The following RSRC1 variants were observed in gnomAD, a reference collection of about 807,000 sequenced individuals.
RSRC1 encodes serine/Arginine-related protein 53.
RSRC1 carries 39 observed loss-of-function variants against 49.1 expected under a neutral mutation model. That is an observed-to-expected ratio of 0.79 (90% CI 0.61 to 1.04). RSRC1 has a LOEUF of 1.04. RSRC1 is among the 50% of genes least tolerant of loss of function. The pLI is 0.00. For synonymous variants in RSRC1, 143 were observed against 130.8 expected (o/e 1.09, Z -0.63); for missense variants, 388 against 402.4 (o/e 0.96, Z 0.31).
intron 3 of RSRC1, among the ~76,000 whole-genome samples, chr3:158,195,388 C>T: frequency 6.8e-6 from 1 of 146,898 alleles, no homozygotes; most frequent in Non-Finnish European, 1.5e-5. Flanking sequence ...ATTGTAGATT[C>T]TGGATATTAG....
intron 7 of RSRC1, among the ~76,000 whole-genome samples, chr3:158,516,588 G>T (rs965694443): frequency 2.0e-5 from 3 of 152,204 alleles, no homozygotes; most frequent in Non-Finnish European, 4.4e-5. Flanking sequence ...AGCCTACAGA[G>T]GCAGGCAGGC....
intron 7 of RSRC1, among the ~76,000 whole-genome samples, chr3:158,535,721 A>G (rs1286827001): frequency 6.6e-6 from 1 of 151,476 alleles, no homozygotes; most frequent in Non-Finnish European, 1.5e-5. Context: ...TACTACCCAA[A>G]AATGAAGCAA....
intron 3 of RSRC1, among the ~76,000 whole-genome samples, chr3:158,179,588 T>C (rs1246163628): frequency 6.6e-6 from 1 of 152,216 alleles, no homozygotes; most frequent in Non-Finnish European, 1.5e-5. Flanking sequence ...TTGTTCTTCT[T>C]ATTGCTAAGT....
chr3:158,486,383 A>C (rs1371722613), intron 7 of RSRC1, among the ~76,000 whole-genome samples: 1 of 152,158 alleles, frequency 6.6e-6, no homozygotes, highest in Non-Finnish European at 1.5e-5. Flanking sequence ...TCCAGGCACC[A>C]TGTTAAATGC....
At chr3:158,339,942 T>C (rs1238953400) in intron 5 of RSRC1, among the ~76,000 whole-genome samples, 3 of 152,208 alleles carry the variant, frequency 2.0e-5, no homozygotes, top group African/African-American at 7.2e-5. Flanking sequence ...GATGAGATTT[T>C]CTGAAAGTGA....
At chr3:158,434,500 A>G (rs953570521) in intron 6 of RSRC1, among the ~76,000 whole-genome samples, 1 of 151,982 alleles carries the variant, frequency 6.6e-6, no homozygotes, top group East Asian at 1.9e-4. Flanking sequence ...TCTAGTTTGG[A>G]TAAGAATTCT....
intron 1 of RSRC1, chr3:158,110,673 T>G (rs1714324134): frequency 6.6e-6 from 1 of 152,496 alleles, no homozygotes; most frequent in South Asian, 2.1e-4. Context: ...GTCCCTGCCT[T>G]AGATCCAGCT....
At chr3:158,214,039 A>G (rs1021757028) in intron 4 of RSRC1, among the ~76,000 whole-genome samples, 9 of 93,318 alleles carry the variant, frequency 9.6e-5, no homozygotes, top group African/African-American at 3.3e-4. Context: ...TAACAATACA[A>G]CAATAAAAAA....
At chr3:158,481,873 A>T (rs916823088) in intron 7 of RSRC1, among the ~76,000 whole-genome samples, 26 of 151,976 alleles carry the variant, frequency 1.7e-4, no homozygotes, top group Non-Finnish European at 3.1e-4. Context: ...CTAGAATGTG[A>T]GCTGCTAAAG....
intron 4 of RSRC1, among the ~76,000 whole-genome samples, chr3:158,255,750 T>A (rs1203759296): frequency 6.6e-6 from 1 of 152,208 alleles, no homozygotes; most frequent in Non-Finnish European, 1.5e-5. Flanking sequence ...GGTTTATAGT[T>A]CTCCTTGAAG....
rs1370844382 is a variant in RSRC1 at position 158,309,306 on chromosome 3, A to G, written c.531+11231A>G. On this transcript the variant is annotated intron_variant, in intron 5 of 9. Coordinates refer to ENST00000611884, the MANE Select transcript of RSRC1 (RefSeq NM_001271838.2). ...TTTTGTGCATATTGTGAAAAAATAT[A>G]TTTAAGGGATCTTGATGTGGTATCT... Among the ~76,000 whole-genome samples, 3 of 151,982 alleles carry G rather than the reference A, an allele frequency of 2.0e-5. No homozygotes were observed. The East Asian group carries it at 5.8e-4, about 29-fold the overall frequency.
intron 4 of RSRC1, among the ~76,000 whole-genome samples, chr3:158,268,638 G>A (rs766740953): frequency 9.2e-5 from 14 of 152,096 alleles, no homozygotes; most frequent in South Asian, 2.1e-4. Flanking sequence ...TATTTGTGGC[G>A]GCTTTTTGGA....
chr3:158,326,812 T>C (rs1729182663), intron 5 of RSRC1, among the ~76,000 whole-genome samples: 1 of 152,234 alleles, frequency 6.6e-6, no homozygotes, highest in Non-Finnish European at 1.5e-5. Context: ...TGGTACCAGC[T>C]CCTCCTTGTA....
chr3:158,471,776 T>C (rs1250055519), intron 7 of RSRC1, among the ~76,000 whole-genome samples: 1 of 152,080 alleles, frequency 6.6e-6, no homozygotes, highest in Admixed American at 6.6e-5. Flanking sequence ...ATTGTTGGAA[T>C]GAGAGGAAAG....
intron 3 of RSRC1, among the ~76,000 whole-genome samples, chr3:158,165,998 A>G (rs764123125): frequency 1.3e-5 from 2 of 152,158 alleles, no homozygotes; most frequent in Non-Finnish European, 2.9e-5. Context: ...GCATTAAGAG[A>G]GGAAGTAAGA....
At chr3:158,462,504 A>G (rs1268374355) in intron 7 of RSRC1, among the ~76,000 whole-genome samples, 2 of 152,004 alleles carry the variant, frequency 1.3e-5, no homozygotes, top group Non-Finnish European at 2.9e-5. Context: ...CTATTAATTC[A>G]GATCTTAATT....
intron 1 of RSRC1, among the ~76,000 whole-genome samples, chr3:158,114,177 G>C (rs1714629763): frequency 6.6e-6 from 1 of 152,146 alleles, no homozygotes; most frequent in African/African-American, 2.4e-5. Context: ...TTTTGTGTAA[G>C]ATATAAGGAA....
chr3:158,529,402 CTA>C (rs1246515622), intron 7 of RSRC1, among the ~76,000 whole-genome samples: 1 of 151,710 alleles, frequency 6.6e-6, no homozygotes, highest in Non-Finnish European at 1.5e-5. Flanking sequence ...TGGAAGATGA[CTA>C]GTCACAATTC....
intron 3 of RSRC1, among the ~76,000 whole-genome samples, chr3:158,157,618 G>T (rs890684007): frequency 1.1e-4 from 17 of 152,144 alleles, no homozygotes; most frequent in Admixed American, 2.6e-4. Flanking sequence ...TCTGTAGATT[G>T]TCTTTCCCAC....
Sources: allele counts gnomAD v4.1 joint callset (sites outside exome capture counted in the v4.1 genomes callset), GRCh38; gene constraint gnomAD v4.1.1; transcripts MANE v1.5; gene names NCBI Gene and HGNC (gene_info 2026-07-23, HGNC 2026-07-21).